Variants in F2 observed in about 807,000 individuals in gnomAD.
The protein encoded by F2 is prothrombin.
Under a neutral mutation model 81.9 loss-of-function variants are expected in F2, and 34 were observed. The observed-to-expected ratio is 0.42, with a 90% CI of 0.32 to 0.55. The LOEUF (loss-of-function observed/expected upper bound fraction) is 0.55. F2 is among the 20% of genes least tolerant of loss of function. The pLI, the probability that F2 is intolerant of heterozygous loss-of-function variation, is 0.18. For synonymous variants in F2, 296 were observed against 326.4 expected, an observed-to-expected ratio of 0.91 and a Z score of 1.01; for missense variants, 630 against 833.4, an observed-to-expected ratio of 0.76 and a Z score of 3.00.
At position 46,739,439 on chromosome 11, in the gene F2, C is replaced by A; in HGVS notation, c.*31C>A. ...CACTCATATTCTGGGCTCCTGGAAC[C>A]AATCCCGTGAAAGAATTATTTTTGT... On this transcript the variant is annotated 3_prime_UTR_variant, in exon 14 of 14. Coordinates refer to ENST00000311907, the MANE Select transcript of F2 (RefSeq NM_000506.5). 1 of 1,613,480 alleles carries A rather than the reference C, an allele frequency of 6.2e-7. No individual in the cohort carries two copies. Among genetic ancestry groups the A allele is most frequent in the Non-Finnish European group, 8.5e-7 (1 of 1,179,788 alleles).
chr11:46,733,516 T>A (rs753592512), intron 12 of F2, among the ~76,000 whole-genome samples: 10 of 152,044 alleles, frequency 6.6e-5, no homozygotes, highest in Non-Finnish European at 1.2e-4. Flanking sequence ...CCTAGTAAAT[T>A]TTTAGAAGTG....
chr11:46,733,419 G>T (rs1290161569), intron 12 of F2, among the ~76,000 whole-genome samples: 1 of 152,098 alleles, frequency 6.6e-6, no homozygotes, highest in Non-Finnish European at 1.5e-5. Context: ...GCCCAGACAG[G>T]TCTTGAACTC....
chr11:46,738,737 T>C (rs938856834), intron 12 of F2, among the ~76,000 whole-genome samples: 3 of 152,216 alleles, frequency 2.0e-5, no homozygotes, highest in Non-Finnish European at 4.4e-5. Context: ...CCACCTCCCC[T>C]GGTCTGGTCC....
At chr11:46,729,342 G>T (rs765520731) in intron 11 of F2, 38 bp from the exon 12 acceptor site, 4 of 1,602,318 alleles carry the variant, frequency 2.5e-6, no homozygotes. Flanking sequence ...GCTCCTGTGG[G>T]GGTTGGCTCT....
intron 2 of F2, 114 bp from the exon 3 acceptor site, chr11:46,720,409 G>A: frequency 8.2e-7 from 1 of 1,224,394 alleles, no homozygotes; most frequent in Non-Finnish European, 1.2e-6. Flanking sequence ...CCTCCCCAGA[G>A]CCTGCCCCCT....
In F2 at chr11:46,739,428, G is replaced by T; in HGVS notation, c.*20G>T. 6.2e-7 allele frequency: 1 copy of T among 1,613,822 alleles called. No individual in the cohort carries two copies. The highest frequency in any genetic ancestry group is 1.1e-5 in the South Asian group (1 of 91,050). The stretch of plus-strand genomic sequence containing the variant: ...GAGTAGGGGGCCACTCATATTCTGG[G>T]CTCCTGGAACCAATCCCGTGAAAGA... On this transcript the variant is annotated 3_prime_UTR_variant, in exon 14 of 14. Transcript: ENST00000311907.
intron 2 of F2, chr11:46,720,171 A>C (rs2064827433): frequency 3.7e-6 from 2 of 547,876 alleles, no homozygotes; most frequent in Non-Finnish European, 6.6e-6. Context: ...ACCACCCTTG[A>C]GGGGTGGGAC....
At position 46,733,464 on chromosome 11, in the gene F2, A is replaced by C. The variant is rs563857048; in HGVS notation, c.1654+3903A>C. ...GTGATCCATCCAACTCAGCCTCCCAAAGTGCTAGGATTACAGGTGTGAGCC... is the reference window on the plus strand; with the variant it reads ...GTGATCCATCCAACTCAGCCTCCCACAGTGCTAGGATTACAGGTGTGAGCC... On this transcript the variant is annotated intron_variant, in intron 12 of 13. Transcript: ENST00000311907. Among the ~76,000 whole-genome samples, 3 of 152,222 alleles carry C rather than the reference A, an allele frequency of 2.0e-5. No individual in the cohort carries two copies. In the East Asian group the frequency reaches 5.8e-4, roughly 29 times the overall value.
intron 12 of F2, among the ~76,000 whole-genome samples, chr11:46,733,612 T>C (rs1386277590): frequency 4.6e-5 from 7 of 152,134 alleles, no homozygotes; most frequent in Non-Finnish European, 8.8e-5. Context: ...CAGTTTGCAT[T>C]TCCATCACAG....
rs1473332286 is a variant in F2, at chr11:46,723,142, C to T, written c.317-38C>T. 1 of 1,590,096 alleles carries T rather than the reference C, an allele frequency of 6.3e-7. No individual in the cohort carries two copies. The highest frequency in any genetic ancestry group is 8.6e-7 in the Non-Finnish European group (1 of 1,158,552). ...TTTGCAGGGAGAGAGGAAATAAGTC[C>T]CCAGGCTCCAAGGCTGACCGGGGTG... On this transcript the variant is annotated intron_variant, in intron 4 of 13. Coordinates refer to ENST00000311907, the MANE Select transcript of F2 (RefSeq NM_000506.5). This position sits in a 1 kb window ranked among gnomAD's most constrained non-coding sequence, Gnocchi z 5.6.
chr11:46,731,958 C>T (rs1285059056), intron 12 of F2, among the ~76,000 whole-genome samples: 1 of 148,054 alleles, frequency 6.8e-6, no homozygotes, highest in East Asian at 1.9e-4. Context: ...CCTCTATCAC[C>T]CGGGCTGGAG....
In F2 at chr11:46,723,026, G is replaced by A; in HGVS notation, c.317-154G>A. 1.3e-6 allele frequency: 1 copy of A among 769,634 alleles called. No individual in the cohort carries two copies. Among genetic ancestry groups the A allele is most frequent in the Admixed American group, 1.8e-5 (1 of 56,170 alleles). 47.7% of individuals were successfully genotyped at this position (769,634 alleles called of 1,614,324 possible). On this transcript the variant is annotated intron_variant, in intron 4 of 13. Coordinates refer to ENST00000311907, the MANE Select transcript of F2 (RefSeq NM_000506.5). This position sits in a 1 kb window ranked among gnomAD's most constrained non-coding sequence, Gnocchi z 5.6. Reference sequence around the variant, plus strand: ...TTGGAGGCCACTGTTGAGTGAATGGGAGAACTGCTGGTTGCAGAGGAAGAG... The same window carrying A: ...TTGGAGGCCACTGTTGAGTGAATGGAAGAACTGCTGGTTGCAGAGGAAGAG...
Position 46,728,810 on chromosome 11 carries a change from GTC to G in F2, c.1447_1448del (p.Leu483AlafsTer34). 6.2e-7 allele frequency: 1 copy of G among 1,614,126 alleles called. No homozygotes were observed. The highest frequency in any genetic ancestry group is 8.5e-7 in the Non-Finnish European group (1 of 1,180,040). On this transcript the variant is annotated frameshift_variant, in exon 11 of 14. Coordinates refer to ENST00000311907, the MANE Select transcript of F2 (RefSeq NM_000506.5). LOFTEE classifies it high-confidence loss of function. The surrounding 1 kb of genome is among the most constrained non-coding windows in gnomAD (Gnocchi z 5.1). Reference sequence around the variant, plus strand: ...TTCAGTGACTACATTCACCCTGTGTGTCTGCCCGACAGGGAGACGGCAGCCAG... The same window carrying G: ...TTCAGTGACTACATTCACCCTGTGTGTGCCCGACAGGGAGACGGCAGCCAG...
chr11:46,736,414 T>A (rs1399697394), intron 12 of F2, among the ~76,000 whole-genome samples: 1 of 152,204 alleles, frequency 6.6e-6, no homozygotes, highest in Non-Finnish European at 1.5e-5. Context: ...TGAGCCACCA[T>A]ACCTGACCTA....
chr11:46,726,222 G>T lies in F2; in HGVS notation c.874+49G>T. The stretch of plus-strand genomic sequence containing the variant: ...TGAGTTGCAGGGACAAATCCTGGTG[G>T]GAATAACAACAGCCGCTTCTGCTTA... On this transcript the variant is annotated intron_variant, in intron 7 of 13. Coordinates refer to ENST00000311907, the MANE Select transcript of F2 (RefSeq NM_000506.5). The surrounding 1 kb of genome is among the most constrained non-coding windows in gnomAD (Gnocchi z 5.9). The T allele has an allele frequency of 1.2e-6, 2 of 1,604,408 alleles. No homozygotes were observed. The highest frequency in any genetic ancestry group is 1.7e-6 in the Non-Finnish European group (2 of 1,176,906).
At position 46,726,773 on chromosome 11, in the gene F2, C is replaced by T. The variant is rs752679924; in HGVS notation, c.1066C>T (p.Leu356=). 1.2e-6 allele frequency: 2 copies of T among 1,614,094 alleles called. No individual in the cohort carries two copies. The highest frequency in any genetic ancestry group is 2.7e-5 in the African/African-American group (2 of 74,932). The change falls in exon 9 of 14, where the codon CTG becomes TTG. Residue 356 remains leucine (L), a synonymous_variant. Transcript: ENST00000311907. The surrounding 1 kb of genome is among the most constrained non-coding windows in gnomAD (Gnocchi z 5.9). Reference sequence around the variant, plus strand: ...GGAGGACAAAACCGAAAGAGAGCTCCTGGAATCCTACATCGACGGGCGCAT... The same window carrying T: ...GGAGGACAAAACCGAAAGAGAGCTCTTGGAATCCTACATCGACGGGCGCAT... The part of the protein sequence containing the change: ...SLEDKTEREL[L]ESYIDGRIVE...
At position 46,725,859 on chromosome 11, in the gene F2, G is replaced by T; in HGVS notation, c.560G>T (p.Gly187Val). Residue 187 changes from glycine (G) to valine (V), a missense_variant and splice_region_variant, in exon 7 of 14, where the codon GGC becomes GTC. Transcript: ENST00000311907. ...RRQECSIPVC[G>V]QDQVTVAMTP... ...TGCCTCCTTGCCCCTCACCCACCAG[G>T]CCAGGATCAAGTCACTGTAGCGATG... The T allele has an allele frequency of 6.2e-7, 1 of 1,612,590 alleles. No individual in the cohort carries two copies. The highest frequency in any genetic ancestry group is 8.5e-7 in the Non-Finnish European group (1 of 1,179,982).
At chr11:46,730,232 G>A (rs558934619) in intron 12 of F2, among the ~76,000 whole-genome samples, 1 of 152,204 alleles carries the variant, frequency 6.6e-6, no homozygotes, top group East Asian at 1.9e-4. Context: ...CCAGGGAGGC[G>A]GAGGTTGCAG....
chr11:46,720,500 C>T (rs1167755323), intron 2 of F2, 23 bp from the exon 3 acceptor site: 2 of 1,613,984 alleles, frequency 1.2e-6, no homozygotes, highest in South Asian at 2.2e-5. Flanking sequence ...GCCGTAGCCT[C>T]ACTCCCAGCC....
Sources: allele counts gnomAD v4.1 joint callset (sites outside exome capture counted in the v4.1 genomes callset), GRCh38; gene constraint gnomAD v4.1.1; non-coding constraint Gnocchi (gnomAD v3.1); transcripts MANE v1.5; gene names NCBI Gene and HGNC (gene_info 2026-07-23, HGNC 2026-07-21).